Variants in LPP observed in about 807,000 individuals in gnomAD.
LPP encodes LIM domain containing preferred translocation partner in lipoma.
A neutral mutation model predicts 60.4 loss-of-function variants in LPP; 38 were observed. The observed-to-expected ratio is 0.63, with a 90% CI of 0.49 to 0.83. The LOEUF (loss-of-function observed/expected upper bound fraction) is 0.83, where lower values mean the gene tolerates loss of function less well. LPP is among the 40% of genes least tolerant of loss of function. LPP has a pLI of 0.00. For missense variants in LPP, 902 were observed against 783.6 expected (o/e 1.15, Z -1.80); for synonymous variants, 328 against 290.8 (o/e 1.13, Z -1.30).
chr3:188,165,524 G>A (rs1053215985), intron 1 of LPP, among the ~76,000 whole-genome samples: 2 of 152,152 alleles, frequency 1.3e-5, no homozygotes, highest in Non-Finnish European at 2.9e-5. Context: ...GTGGAGATGG[G>A]TTAGGGTCTA....
At position 188,572,616 on chromosome 3, in the gene LPP, T is replaced by C. The variant is rs974321789; in HGVS notation, c.430-36545T>C. Among the ~76,000 whole-genome samples the C allele has an allele frequency of 1.3e-5, 2 of 152,130 alleles. No homozygotes were observed. The highest frequency in any genetic ancestry group is 2.4e-5 in the African/African-American group (1 of 41,434). On this transcript the variant is annotated intron_variant, in intron 6 of 11. Coordinates refer to ENST00000617246, the MANE Select transcript of LPP (RefSeq NM_001375462.1). This position sits in a 1 kb window ranked among gnomAD's most constrained non-coding sequence, Gnocchi z 4.1. ...AATATTGCATGAAATTGAGCTGAAATTCATGTCTGCTAAATATGTGTACTC... is the reference window on the plus strand; with the variant it reads ...AATATTGCATGAAATTGAGCTGAAACTCATGTCTGCTAAATATGTGTACTC...
chr3:188,810,568 T>C (rs999145519), intron 9 of LPP, among the ~76,000 whole-genome samples: 1 of 152,188 alleles, frequency 6.6e-6, no homozygotes, highest in Non-Finnish European at 1.5e-5. Context: ...CTATTAATCT[T>C]TTTTGTGTCT....
At chr3:188,678,205 C>G (rs571959641) in intron 7 of LPP, among the ~76,000 whole-genome samples, 1 of 152,332 alleles carries the variant, frequency 6.6e-6, no homozygotes, top group East Asian at 1.9e-4. Flanking sequence ...TCATGCTGCT[C>G]TCTTACAACA....
At chr3:188,620,793 C>G (rs1845665274) in intron 7 of LPP, among the ~76,000 whole-genome samples, 1 of 152,192 alleles carries the variant, frequency 6.6e-6, no homozygotes, top group African/African-American at 2.4e-5. Context: ...ATTTTCTCTG[C>G]AACCTCCCAC....
intron 6 of LPP, among the ~76,000 whole-genome samples, chr3:188,541,523 T>C (rs921239738): frequency 2.6e-5 from 4 of 151,178 alleles, no homozygotes; most frequent in Non-Finnish European, 4.4e-5. Context: ...CCTGCATACA[T>C]AGTACATTGA....
intron 9 of LPP, among the ~76,000 whole-genome samples, chr3:188,788,572 A>G (rs908681333): frequency 1.3e-5 from 2 of 152,180 alleles, no homozygotes; most frequent in African/African-American, 4.8e-5. Flanking sequence ...CTCAGTAGCT[A>G]TACATTTTCC....
chr3:188,737,523 T>C (rs1722945601), intron 8 of LPP, among the ~76,000 whole-genome samples: 1 of 152,196 alleles, frequency 6.6e-6, no homozygotes. Flanking sequence ...GTTCTTTTAC[T>C]CTTCTGGAAG....
intron 1 of LPP, among the ~76,000 whole-genome samples, chr3:188,213,524 C>T (rs1712146119): frequency 6.6e-6 from 1 of 152,172 alleles, no homozygotes; most frequent in African/African-American, 2.4e-5. Context: ...GAACTGTCCA[C>T]ACTTACTAAT....
At chr3:188,282,117 TTCCC>T (rs1019842997) in intron 2 of LPP, among the ~76,000 whole-genome samples, 31 of 152,038 alleles carry the variant, frequency 2.0e-4, no homozygotes, top group Admixed American at 1.5e-3. Context: ...TTCTCTCTCC[TTCCC>T]TCCCTCCCTC....
At chr3:188,716,122 T>C (rs1332464811) in intron 8 of LPP, among the ~76,000 whole-genome samples, 1 of 152,226 alleles carries the variant, frequency 6.6e-6, no homozygotes, top group East Asian at 1.9e-4. Context: ...GGAAACTTTT[T>C]GTTCATCTCT....
chr3:188,271,684 A>C (rs1370838295), intron 2 of LPP, among the ~76,000 whole-genome samples: 5 of 152,188 alleles, frequency 3.3e-5, no homozygotes, highest in African/African-American at 1.2e-4. Context: ...CTTGTTGCAA[A>C]AGTTTGCAAT....
At chr3:188,312,836 G>A (rs1019650117) in intron 2 of LPP, 1 of 152,088 alleles carries the variant, frequency 6.6e-6, no homozygotes. Context: ...CCTTTGTAGG[G>A]ACATGGATGA....
chr3:188,156,259 G>A (rs1640328645), intron 1 of LPP, among the ~76,000 whole-genome samples: 1 of 151,716 alleles, frequency 6.6e-6, no homozygotes, highest in Non-Finnish European at 1.5e-5. Flanking sequence ...TACGCAGAGG[G>A]AGGAGAAGCT....
At chr3:188,359,784 G>A (rs1768729816) in intron 3 of LPP, among the ~76,000 whole-genome samples, 1 of 152,142 alleles carries the variant, frequency 6.6e-6, no homozygotes, top group Non-Finnish European at 1.5e-5. Flanking sequence ...TCTCCAGGTT[G>A]TAAATGAGAT....
chr3:188,353,271 T>A (rs952917771), intron 3 of LPP, among the ~76,000 whole-genome samples: 1 of 152,214 alleles, frequency 6.6e-6, no homozygotes, highest in African/African-American at 2.4e-5. Flanking sequence ...CTGGAAGAGA[T>A]CTAAACACAG....
chr3:188,254,534 T>G (rs1348980131), intron 2 of LPP, among the ~76,000 whole-genome samples: 2 of 152,220 alleles, frequency 1.3e-5, no homozygotes, highest in Non-Finnish European at 2.9e-5. Flanking sequence ...TTTGGTTAAT[T>G]GGCTTGCCTA....
At chr3:188,431,430 G>A (rs150403285) in intron 4 of LPP, among the ~76,000 whole-genome samples, 118 of 152,232 alleles carry the variant, frequency 7.8e-4, no homozygotes, top group African/African-American at 2.8e-3. Flanking sequence ...CTAGGAGCAC[G>A]AGACAGAGTA....
At chr3:188,183,919 A>C (rs1371189377) in intron 1 of LPP, among the ~76,000 whole-genome samples, 2 of 152,302 alleles carry the variant, frequency 1.3e-5, no homozygotes, top group Admixed American at 6.5e-5. Context: ...AATTTAAGCA[A>C]AAAGCCCATA....
chr3:188,403,237 A>G (rs1782662479), intron 3 of LPP, among the ~76,000 whole-genome samples: 1 of 152,128 alleles, frequency 6.6e-6, no homozygotes, highest in Admixed American at 6.6e-5. Context: ...CTTACATTTT[A>G]TTTATACTCT....
Sources: gnomAD v4.1 joint callset for allele counts (sites outside exome capture counted in the v4.1 genomes callset) on GRCh38, gnomAD v4.1.1 for gene constraint, Gnocchi (gnomAD v3.1) non-coding constraint, MANE v1.5 for transcripts, NCBI Gene and HGNC (gene_info 2026-07-23, HGNC 2026-07-21) for gene names.